PLCL2: variants seen among roughly 807,000 people sequenced by gnomAD.
The protein encoded by PLCL2 is inactive phospholipase C-like protein 2.
Under a neutral mutation model 79.6 loss-of-function variants are expected in PLCL2, and 4 were observed. That is an observed-to-expected ratio of 0.05 (90% CI 0.02 to 0.11). PLCL2 has a LOEUF of 0.11. PLCL2 is among the 10% of genes least tolerant of loss of function. PLCL2 has a pLI of 1.00. For missense variants in PLCL2, 895 were observed against 1,291.0 expected, an observed-to-expected ratio of 0.69 and a Z score of 4.70; for synonymous variants, 484 against 457.7, an observed-to-expected ratio of 1.06 and a Z score of -0.73.
chr3:16,976,788 T>C (rs2063931271), intron 1 of PLCL2, among the ~76,000 whole-genome samples: 1 of 152,236 alleles, frequency 6.6e-6, no homozygotes, highest in African/African-American at 2.4e-5. Context: ...TTTCAATCTT[T>C]AGCTACTTCT....
intron 1 of PLCL2, among the ~76,000 whole-genome samples, chr3:16,904,306 C>CAAAAAAAAAAAAAAAA (rs547582289): frequency 5.2e-5 from 6 of 116,128 alleles, no homozygotes; most frequent in African/African-American, 2.0e-4. Context: ...GAGATCTTGA[C>CAAAAAAAAAAAAAAAA]AAAAAAAAAA....
intron 1 of PLCL2, among the ~76,000 whole-genome samples, chr3:16,992,224 T>C (rs905081428): frequency 1.3e-5 from 2 of 152,108 alleles, no homozygotes; most frequent in African/African-American, 4.8e-5. Context: ...GTGATGGCCC[T>C]GATTCAATCA....
Position 17,010,029 on chromosome 3 carries a change from C to A in PLCL2, c.683C>A (p.Ser228Ter). ...GTCATATATGGAGAGAATTATGAGTCACTGGATTTGGTTGCCAACTCCGCA... is the reference window on the plus strand; with the variant it reads ...GTCATATATGGAGAGAATTATGAGTAACTGGATTTGGTTGCCAACTCCGCA... ...FSVIYGENYESLDLVANSADV... is the reference protein window; with the variant it reads ...FSVIYGENYE The change falls in exon 2 of 6, where the codon TCA becomes TAA. Residue 228 changes from serine (S) to a stop codon, truncating the protein, a stop_gained. Transcript: ENST00000615277. LOFTEE classifies it high-confidence loss of function. The surrounding 1 kb of genome is among the most constrained non-coding windows in gnomAD (Gnocchi z 5.8). The A allele has an allele frequency of 6.2e-7, 1 of 1,613,272 alleles. No individual in the cohort carries two copies. Among genetic ancestry groups the A allele is most frequent in the South Asian group, 1.1e-5 (1 of 91,046 alleles).
In PLCL2 at chr3:16,981,978, C is replaced by G. The variant is rs548602996; in HGVS notation, c.328-27696C>G. ...ATCCTCTTTTATATTATGCTGTGAC[C>G]ATAGGCCTCTTCAGATTCTTTGTAA... is the stretch of plus-strand genomic sequence containing the variant. On this transcript the variant is annotated intron_variant, in intron 1 of 5. Transcript: ENST00000615277. Among the ~76,000 whole-genome samples, 15 of 152,240 alleles carry G rather than the reference C, an allele frequency of 9.9e-5. No individual in the cohort carries two copies. The South Asian group carries it at 3.1e-3, about 32-fold the overall frequency.
chr3:16,967,585 G>T (rs2063820195), intron 1 of PLCL2, among the ~76,000 whole-genome samples: 1 of 151,710 alleles, frequency 6.6e-6, no homozygotes, highest in Non-Finnish European at 1.5e-5. Context: ...GTGTCTGTTG[G>T]TGTCCTTTGC....
intron 1 of PLCL2, among the ~76,000 whole-genome samples, chr3:16,968,163 C>G (rs993678474): frequency 1.3e-5 from 2 of 152,072 alleles, no homozygotes; most frequent in Admixed American, 1.3e-4. Context: ...GTTGCTGTAG[C>G]CTTCCAGTAT....
At chr3:16,897,800 G>C (rs900225893) in intron 1 of PLCL2, among the ~76,000 whole-genome samples, 1 of 152,128 alleles carries the variant, frequency 6.6e-6, no homozygotes, top group Non-Finnish European at 1.5e-5. Context: ...TGACCTTCGC[G>C]GTAAAGAGGA....
At chr3:17,037,207 C>G (rs1193242433) in intron 3 of PLCL2, among the ~76,000 whole-genome samples, 1 of 152,158 alleles carries the variant, frequency 6.6e-6, no homozygotes, top group Non-Finnish European at 1.5e-5. Context: ...TCCAGTCCTC[C>G]CAAGGTCATC....
chr3:17,038,450 G>C (rs1270774147), intron 3 of PLCL2, among the ~76,000 whole-genome samples: 2 of 152,042 alleles, frequency 1.3e-5, no homozygotes, highest in Non-Finnish European at 2.9e-5. Flanking sequence ...CATTCTACTT[G>C]GCCTTGCATT....
chr3:16,938,605 A>T (rs905916739), intron 1 of PLCL2, among the ~76,000 whole-genome samples: 10 of 152,236 alleles, frequency 6.6e-5, no homozygotes, highest in African/African-American at 2.4e-4. Flanking sequence ...AAACCAGGAA[A>T]TAGTAATCTT....
At chr3:16,962,418 G>A (rs916754974) in intron 1 of PLCL2, among the ~76,000 whole-genome samples, 8 of 132,196 alleles carry the variant, frequency 6.1e-5, no homozygotes, top group African/African-American at 8.6e-5. Context: ...TCATCCAGGA[G>A]CTTTCTTTTT....
rs751240748 is a variant in PLCL2, at chr3:17,009,754, A to G, written c.408A>G (p.Ala136=). The change falls in exon 2 of 6, where the codon GCA becomes GCG. Residue 136 remains alanine (A), a synonymous_variant. Coordinates refer to ENST00000615277, the MANE Select transcript of PLCL2 (RefSeq NM_001144382.2). This position sits in a 1 kb window ranked among gnomAD's most constrained non-coding sequence, Gnocchi z 4.0. Reference sequence around the variant, plus strand: ...CAACAGAGAAGAAGATCAGCAGTGCAAGTGATTGTATTAATTCAATGGTTG... The same window carrying G: ...CAACAGAGAAGAAGATCAGCAGTGCGAGTGATTGTATTAATTCAATGGTTG... ...SMPTEKKISS[A]SDCINSMVEG... is the part of the protein sequence containing the mutation. 9 of 1,613,598 alleles carry G rather than the reference A, an allele frequency of 5.6e-6. No homozygotes were observed. Among genetic ancestry groups the G allele is most frequent in the East Asian group, 2.2e-5 (1 of 44,862 alleles).
intron 3 of PLCL2, among the ~76,000 whole-genome samples, chr3:17,019,710 A>ATCT (rs2064427560): frequency 6.6e-6 from 1 of 152,244 alleles, no homozygotes; most frequent in South Asian, 2.1e-4. Context: ...AAATAAAGAA[A>ATCT]ACTGTAATCA....
intron 1 of PLCL2, among the ~76,000 whole-genome samples, chr3:16,918,483 C>T (rs537760573): frequency 4.6e-5 from 7 of 151,978 alleles, no homozygotes; most frequent in Non-Finnish European, 1.0e-4. Flanking sequence ...AGTCTGGGAA[C>T]CAAATAGGAA....
chr3:16,891,667 A>G (rs944554069), intron 1 of PLCL2, among the ~76,000 whole-genome samples: 2 of 152,220 alleles, frequency 1.3e-5, no homozygotes, highest in African/African-American at 4.8e-5. Flanking sequence ...CCAGGTTTAC[A>G]TCTTTTGCTG....
intron 1 of PLCL2, among the ~76,000 whole-genome samples, chr3:17,005,048 T>C (rs2064247523): frequency 1.3e-5 from 2 of 152,082 alleles, no homozygotes; most frequent in South Asian, 4.1e-4. Flanking sequence ...TTGGTGACTG[T>C]TTTGCCAGGG....
chr3:17,001,983 C>T (rs980747411), intron 1 of PLCL2, among the ~76,000 whole-genome samples: 1 of 151,882 alleles, frequency 6.6e-6, no homozygotes. Context: ...TGCATGAACA[C>T]GGGATGGCTT....
At chr3:16,996,460 G>C (rs576279350) in intron 1 of PLCL2, among the ~76,000 whole-genome samples, 6 of 152,082 alleles carry the variant, frequency 3.9e-5, no homozygotes, top group Admixed American at 6.5e-5. Context: ...TAATACTCGT[G>C]TTATAGGATT....
At chr3:16,960,335 G>A (rs538241476) in intron 1 of PLCL2, among the ~76,000 whole-genome samples, 14 of 152,204 alleles carry the variant, frequency 9.2e-5, no homozygotes, top group Admixed American at 4.6e-4. Context: ...ATCTTACCTC[G>A]CCTGGCCTTC....
Sources: gnomAD v4.1 joint callset for allele counts (sites outside exome capture counted in the v4.1 genomes callset) on GRCh38, gnomAD v4.1.1 for gene constraint, Gnocchi (gnomAD v3.1) non-coding constraint, MANE v1.5 for transcripts, NCBI Gene and HGNC (gene_info 2026-07-23, HGNC 2026-07-21) for gene names.